Variants in IL23R observed in about 807,000 individuals in gnomAD.
IL23R encodes interleukin-23 receptor.
A neutral mutation model predicts 56.9 loss-of-function variants in IL23R; 34 were observed. That is an observed-to-expected ratio of 0.60 (90% CI 0.45 to 0.80). IL23R has a LOEUF of 0.80. Among genes scored for constraint, IL23R ranks in the 30% least tolerant of loss-of-function variants. The pLI, the probability that IL23R is intolerant of heterozygous loss-of-function variation, is 0.00. For synonymous variants in IL23R, 230 were observed against 249.2 expected (o/e 0.92, Z 0.73); for missense variants, 635 against 730.0 (o/e 0.87, Z 1.50).
chr1:67,180,387 C>T (rs567218322), intron 3 of IL23R, among the ~76,000 whole-genome samples: 2 of 151,804 alleles, frequency 1.3e-5, no homozygotes, highest in South Asian at 2.1e-4. Context: ...CCTTTTTTGT[C>T]TCTTTTGATC....
rs536859587 is a variant in IL23R at position 67,191,804 on chromosome 1, C to T, written c.491+8845C>T. On this transcript the variant is annotated intron_variant, in intron 4 of 10. Transcript: ENST00000347310. The stretch of plus-strand genomic sequence containing the variant: ...TCTTACTTATGAAACATTTACTATC[C>T]GAGCATTTAATGTAGCTCTTCACTT... Among the ~76,000 whole-genome samples, 9 of 152,270 alleles carry T rather than the reference C, an allele frequency of 5.9e-5. No homozygotes were observed. The South Asian group carries it at 1.9e-3, about 32-fold the overall frequency.
chr1:67,217,786 C>A (rs879633893), intron 6 of IL23R, among the ~76,000 whole-genome samples: 1 of 151,544 alleles, frequency 6.6e-6, no homozygotes, highest in African/African-American at 2.4e-5. Context: ...ATGACATCCC[C>A]CAAACAAATA....
intron 4 of IL23R, among the ~76,000 whole-genome samples, chr1:67,193,732 T>A (rs185403837): frequency 6.6e-6 from 1 of 152,340 alleles, no homozygotes; most frequent in African/African-American, 2.4e-5. Context: ...ACAGCACTCC[T>A]GACACGAAAT....
chr1:67,160,036 A>G (rs1646804745), intron 1 of IL23R, among the ~76,000 whole-genome samples: 1 of 152,198 alleles, frequency 6.6e-6, no homozygotes, highest in Non-Finnish European at 1.5e-5. Context: ...TTTAAAAAAT[A>G]CAGATGAGGT....
chr1:67,226,608 A>G (rs980938549), intron 7 of IL23R, among the ~76,000 whole-genome samples: 16 of 152,188 alleles, frequency 1.1e-4, no homozygotes, highest in African/African-American at 3.9e-4. Context: ...TTATGAGGGT[A>G]CAGGATAGCG....
chr1:67,256,457 C>A (rs1051166885), intron 10 of IL23R, among the ~76,000 whole-genome samples: 1 of 152,092 alleles, frequency 6.6e-6, no homozygotes, highest in African/African-American at 2.4e-5. Context: ...GGCCACACAC[C>A]AGGAAGCCCC....
rs1179249968 is a variant in IL23R at position 67,183,527 on chromosome 1, T to TC, written c.491+570dup. Among the ~76,000 whole-genome samples the TC allele has an allele frequency of 8.5e-5, 13 of 152,222 alleles. No individual in the cohort carries two copies. The South Asian group carries it at 2.7e-3, about 32-fold the overall frequency. On this transcript the variant is annotated intron_variant, in intron 4 of 10. Coordinates refer to ENST00000347310, the MANE Select transcript of IL23R (RefSeq NM_144701.3). ...TCTAGCCTGGGCGACAGAACAAGAC[T>TC]CCATCTCAAAAAATAAAATAAAATA...
intron 9 of IL23R, among the ~76,000 whole-genome samples, chr1:67,249,058 C>T (rs1187924104): frequency 6.6e-6 from 1 of 152,198 alleles, no homozygotes; most frequent in African/African-American, 2.4e-5. Context: ...AAATAACCCG[C>T]CTTCTGCGTT....
At chr1:67,256,007 T>C in intron 10 of IL23R, 80 bp downstream of exon 10, 1 of 808,514 alleles carries the variant, frequency 1.2e-6, no homozygotes, top group Non-Finnish European at 2.1e-6. Context: ...AGAATTTCCA[T>C]TCAAATAAAT....
intron 6 of IL23R, among the ~76,000 whole-genome samples, chr1:67,213,719 G>A (rs1431058715): frequency 6.6e-6 from 1 of 152,132 alleles, no homozygotes; most frequent in Non-Finnish European, 1.5e-5. Context: ...TACCACCCAG[G>A]TTTGTGTAAT....
chr1:67,160,798 C>T (rs950559134), intron 1 of IL23R, among the ~76,000 whole-genome samples: 2 of 152,166 alleles, frequency 1.3e-5, no homozygotes, highest in African/African-American at 4.8e-5. Context: ...ACTCCTGCCT[C>T]AGCCTCCTGA....
At chr1:67,180,035 CCGACTATGTGG>C (rs1647085334) in intron 3 of IL23R, among the ~76,000 whole-genome samples, 1 of 151,876 alleles carries the variant, frequency 6.6e-6, no homozygotes, top group African/African-American at 2.4e-5. Flanking sequence ...TACTTTACTT[CCGACTATGTGG>C]TCAATTTGGA....
At chr1:67,234,362 G>A (rs542454661) in intron 7 of IL23R, among the ~76,000 whole-genome samples, 2 of 152,192 alleles carry the variant, frequency 1.3e-5, no homozygotes, top group African/African-American at 4.8e-5. Context: ...TTAATTTAAT[G>A]CACCTGTTTG....
At chr1:67,147,996 A>AT (rs1219493103) in intron 1 of IL23R, among the ~76,000 whole-genome samples, 7 of 152,170 alleles carry the variant, frequency 4.6e-5, no homozygotes, top group African/African-American at 1.7e-4. Flanking sequence ...ACCTTGAGCC[A>AT]TGTGGTGAGT....
chr1:67,227,956 T>TCC (rs1491040246), intron 7 of IL23R, among the ~76,000 whole-genome samples: 1 of 7,156 alleles, frequency 1.4e-4, no homozygotes, highest in African/African-American at 3.9e-4. Context: ...CTTTCTTTCT[T>TCC]TCTTTCTTTC....
chr1:67,220,590 G>A (rs1200618249), intron 7 of IL23R, among the ~76,000 whole-genome samples: 1 of 151,710 alleles, frequency 6.6e-6, no homozygotes, highest in South Asian at 2.1e-4. Context: ...CTGGGAGGCT[G>A]GGTACGCTGG....
At chr1:67,217,450 C>G (rs575170269) in intron 6 of IL23R, among the ~76,000 whole-genome samples, 2 of 152,060 alleles carry the variant, frequency 1.3e-5, no homozygotes, top group East Asian at 1.9e-4. Flanking sequence ...CTGTACTTTA[C>G]GGTATTTCTT....
rs12073581 is a variant in IL23R, at chr1:67,174,046, T to C, written c.367+4408T>C. On this transcript the variant is annotated intron_variant, in intron 3 of 10. Coordinates refer to ENST00000347310, the MANE Select transcript of IL23R (RefSeq NM_144701.3). ...ATGTGTTTAGGACTGTATTATAGTT[T>C]ATTTAACCTTATTTTGGAAAATTAA... Among the ~76,000 whole-genome samples the C allele has an allele frequency of 2.2e-3, 341 of 152,322 alleles. 2 individuals carry two copies. The highest frequency in any genetic ancestry group is 7.7e-3 in the African/African-American group (320 of 41,572).
intron 7 of IL23R, among the ~76,000 whole-genome samples, chr1:67,227,606 T>A (rs535362651): frequency 2.6e-4 from 40 of 152,336 alleles, no homozygotes; most frequent in African/African-American, 8.2e-4. Flanking sequence ...AAATATTATG[T>A]TAACGGAACT....
Sources: gnomAD v4.1 joint callset for allele counts (sites outside exome capture counted in the v4.1 genomes callset) on GRCh38, gnomAD v4.1.1 for gene constraint, MANE v1.5 for transcripts, NCBI Gene and HGNC (gene_info 2026-07-23, HGNC 2026-07-21) for gene names.